Variants in CAPS2 observed in about 807,000 individuals in gnomAD.
The protein encoded by CAPS2 is calcyphosine 2.
CAPS2 carries 98 observed loss-of-function variants against 86.5 expected under a neutral mutation model. The ratio of observed to expected loss-of-function variants is 1.13; its 90% confidence interval spans 0.96 to 1.34. The LOEUF (loss-of-function observed/expected upper bound fraction) is 1.34, where lower values mean the gene tolerates loss of function less well. CAPS2 is among the 40% of genes most tolerant of loss of function. The pLI, the probability that CAPS2 is intolerant of heterozygous loss-of-function variation, is 0.00. For missense variants in CAPS2, 729 were observed against 686.8 expected (o/e 1.06, Z -0.69); for synonymous variants, 210 against 225.1 (o/e 0.93, Z 0.60).
At chr12:75,285,201 T>C (rs2034654104) in intron 14 of CAPS2, 121 bp from the exon 15 acceptor site, 10 of 884,584 alleles carry the variant, frequency 1.1e-5, no homozygotes, top group East Asian at 3.0e-5. Flanking sequence ...AATAAGAAAA[T>C]TGAAGAAGCT....
At chr12:75,298,965 T>C in exon 10 of CAPS2, 4 of 1,572,502 alleles carry the variant, frequency 2.5e-6, no homozygotes, top group Non-Finnish European at 3.5e-6. Context: ...TCACGTCCAT[T>C]ACTGGAAAAA....
chr12:75,294,736 G>A (rs2036588112), intron 11 of CAPS2, among the ~76,000 whole-genome samples: 1 of 151,958 alleles, frequency 6.6e-6, no homozygotes, highest in Non-Finnish European at 1.5e-5. Context: ...ACTAGTTATT[G>A]TTTACACCAA....
intron 1 of CAPS2, among the ~76,000 whole-genome samples, chr12:75,389,245 T>C (rs1413926646): frequency 2.6e-5 from 4 of 152,234 alleles, no homozygotes; most frequent in African/African-American, 9.6e-5. Flanking sequence ...TGATGATTCA[T>C]CTGTGTCACC....
At chr12:75,353,567 C>A (rs577011769) in intron 1 of CAPS2, among the ~76,000 whole-genome samples, 1 of 152,250 alleles carries the variant, frequency 6.6e-6, no homozygotes, top group East Asian at 1.9e-4. Context: ...ACCAGAAGAA[C>A]AAAGAGGAGC....
At chr12:75,331,106 TG>T (rs766245235), upstream of CAPS2, among the ~76,000 whole-genome samples, 36 of 152,284 alleles carry the variant, frequency 2.4e-4, no homozygotes, top group Admixed American at 9.8e-4. Flanking sequence ...ATGTATGCTC[TG>T]TACACAATAT....
intron 1 of CAPS2, among the ~76,000 whole-genome samples, chr12:75,378,860 T>A (rs575653521): frequency 6.6e-6 from 1 of 152,212 alleles, no homozygotes; most frequent in African/African-American, 2.4e-5. Context: ...TTTGACATCA[T>A]GTATATAGAG....
At chr12:75,312,248 T>C (rs1356274366) in intron 7 of CAPS2, among the ~76,000 whole-genome samples, 1 of 152,194 alleles carries the variant, frequency 6.6e-6, no homozygotes, top group African/African-American at 2.4e-5. Context: ...CTATGGGATA[T>C]TTTTAATTTT....
intron 9 of CAPS2, among the ~76,000 whole-genome samples, chr12:75,299,630 T>C (rs972146013): frequency 4.6e-5 from 7 of 152,152 alleles, no homozygotes; most frequent in South Asian, 4.1e-4. Flanking sequence ...AAGATAACTT[T>C]TAATTAGAAT....
chr12:75,293,990 T>C (rs1430554619), intron 11 of CAPS2, among the ~76,000 whole-genome samples: 1 of 152,210 alleles, frequency 6.6e-6, no homozygotes, highest in Non-Finnish European at 1.5e-5. Flanking sequence ...CGCAGTGCAG[T>C]GTCACGATCT....
intron 1 of CAPS2, among the ~76,000 whole-genome samples, chr12:75,387,281 T>C (rs2045341063): frequency 6.6e-6 from 1 of 152,062 alleles, no homozygotes; most frequent in Non-Finnish European, 1.5e-5. Flanking sequence ...AAAGAAGACA[T>C]ACAGTACTCA....
intron 4 of CAPS2, 61 bp from the exon 5 acceptor site, chr12:75,321,637 G>T: frequency 3.3e-6 from 4 of 1,219,456 alleles, no homozygotes; most frequent in Non-Finnish European, 2.3e-6. Flanking sequence ...TTCCTTATTG[G>T]CATTAACAGG....
At chr12:75,357,166 G>A (rs765515085) in intron 1 of CAPS2, among the ~76,000 whole-genome samples, 12 of 152,102 alleles carry the variant, frequency 7.9e-5, no homozygotes, top group Non-Finnish European at 1.8e-4. Flanking sequence ...CTCCAGCCTG[G>A]GAAACAGTGT....
chr12:75,347,680 G>A (rs1002994323), intron 1 of CAPS2: 1 of 1,606,588 alleles, frequency 6.2e-7, no homozygotes, highest in Admixed American at 1.7e-5. Flanking sequence ...CCTAACCTTG[G>A]GGGAGCTTCA....
chr12:75,308,903 A>AG, intron 7 of CAPS2, among the ~76,000 whole-genome samples: 2 of 9,008 alleles, frequency 2.2e-4, no homozygotes. Context: ...ACTCGGTCTC[A>AG]AAAAAAAAAA....
intron 7 of CAPS2, among the ~76,000 whole-genome samples, chr12:75,308,819 T>G: frequency 7.7e-6 from 1 of 130,506 alleles, no homozygotes; most frequent in Non-Finnish European, 1.6e-5. Flanking sequence ...AAAGTGAGAT[T>G]AAAAAAAATG....
chr12:75,313,003 T>A, intron 6 of CAPS2, 88 bp from the exon 7 acceptor site: 1 of 690,032 alleles, frequency 1.4e-6, no homozygotes, highest in Admixed American at 2.3e-5. Flanking sequence ...ATAAATTAAA[T>A]ATCTCTGATT....
intron 1 of CAPS2, among the ~76,000 whole-genome samples, chr12:75,382,501 G>A (rs2045052766): frequency 6.6e-6 from 1 of 152,028 alleles, no homozygotes; most frequent in African/African-American, 2.4e-5. Flanking sequence ...TTAGCTGGGT[G>A]TGGTGGTGCA....
At chr12:75,358,423 T>C (rs1409063810) in intron 1 of CAPS2, among the ~76,000 whole-genome samples, 1 of 151,646 alleles carries the variant, frequency 6.6e-6, no homozygotes, top group Non-Finnish European at 1.5e-5. Context: ...CATTTTACAT[T>C]CTAAAATGAA....
intron 1 of CAPS2, among the ~76,000 whole-genome samples, chr12:75,347,046 T>C (rs1277510850): frequency 6.6e-6 from 1 of 151,692 alleles, no homozygotes; most frequent in East Asian, 1.9e-4. Flanking sequence ...CTTCTTCCTT[T>C]TGAATAACTT....
Sources: gnomAD v4.1 joint callset for allele counts (sites outside exome capture counted in the v4.1 genomes callset) on GRCh38, gnomAD v4.1.1 for gene constraint, MANE v1.5 for transcripts, NCBI Gene and HGNC (gene_info 2026-07-23, HGNC 2026-07-21) for gene names.